Variants in CTNNB1 observed in about 807,000 individuals in gnomAD.
CTNNB1 encodes catenin beta 1, also known as catenin beta-1.
A neutral mutation model predicts 82.5 loss-of-function variants in CTNNB1; 6 were observed. That is an observed-to-expected ratio of 0.07 (90% CI 0.04 to 0.14). The LOEUF (loss-of-function observed/expected upper bound fraction) is 0.14, where lower values mean the gene tolerates loss of function less well. CTNNB1 is among the 10% of genes least tolerant of loss of function. The pLI is 1.00. For missense variants in CTNNB1, 529 were observed against 980.4 expected (o/e 0.54, Z 6.15); for synonymous variants, 312 against 329.7 (o/e 0.95, Z 0.58).
Position 41,239,143 on chromosome 3 carries a change from A to G in CTNNB1, c.2147A>G (p.Tyr716Cys), listed in dbSNP as rs1248210231. 8 of 1,613,800 alleles carry G rather than the reference A, an allele frequency of 5.0e-6. No individual in the cohort carries two copies. Among genetic ancestry groups the G allele is most frequent in the Non-Finnish European group, 6.8e-6 (8 of 1,179,930 alleles). ...PLGYRQDDPS[Y>C]RSFHSGGYGQ... is the part of the protein sequence containing the mutation. ...ACCCTGACTCTTCTAGATCCTAGCT[A>G]TCGTTCTTTTCACTCTGGTGGATAT... is the stretch of plus-strand genomic sequence containing the variant. Residue 716 changes from tyrosine to cysteine, a missense_variant, in exon 15 of 15, where the codon TAT becomes TGT. By Grantham distance (194) the Tyr-to-Cys change is radical. This residue lies in a region of CTNNB1 where 102 missense variants were observed against 130.8 expected (regional missense o/e 0.78). Transcript: ENST00000349496.
rs769825609 is a variant in CTNNB1 at position 41,227,335 on chromosome 3, C to T, written c.1064C>T (p.Pro355Leu). Residue 355 changes from proline to leucine, a missense_variant, in exon 7 of 15, where the codon CCG becomes CTG. Around this residue, in one of 4 missense-constraint regions of CTNNB1, gnomAD observed 411 missense variants for 776.4 expected, o/e 0.53. Coordinates refer to ENST00000349496, the MANE Select transcript of CTNNB1 (RefSeq NM_001904.4). ...CTATCTGTCTGCTCTAGTAATAAGC[C>T]GGCTATTGTAGAAGCTGGTAAGTAT... The part of the protein sequence containing the change: ...KVLSVCSSNK[P>L]AIVEAGGMQA... The T allele has an allele frequency of 4.3e-6, 7 of 1,613,678 alleles. No homozygotes were observed. Among genetic ancestry groups the T allele is most frequent in the Non-Finnish European group, 5.9e-6 (7 of 1,179,848 alleles).
chr3:41,234,352 A>G (rs2078383271), intron 10 of CTNNB1, 55 bp downstream of exon 10: 2 of 1,584,474 alleles, frequency 1.3e-6, no homozygotes, highest in East Asian at 2.2e-5. Flanking sequence ...CATAAATCCA[A>G]AGGATCCTGA....
chr3:41,202,968 T>C (rs2077566228), intron 1 of CTNNB1, among the ~76,000 whole-genome samples: 1 of 151,770 alleles, frequency 6.6e-6, no homozygotes, highest in African/African-American at 2.4e-5. Context: ...GCTTCCTTCC[T>C]AAGGAAAAAT....
At chr3:41,201,325 T>C (rs150573961) in intron 1 of CTNNB1, among the ~76,000 whole-genome samples, 8 of 152,346 alleles carry the variant, frequency 5.3e-5, no homozygotes, top group Admixed American at 2.6e-4. Context: ...TTTACTTTTA[T>C]ATTTAAATCT....
intron 7 of CTNNB1, among the ~76,000 whole-genome samples, chr3:41,228,957 C>T (rs924333169): frequency 2.0e-5 from 3 of 152,132 alleles, no homozygotes; most frequent in African/African-American, 7.2e-5. Flanking sequence ...CCAGTTATCC[C>T]AGCACCATTT....
intron 1 of CTNNB1, among the ~76,000 whole-genome samples, chr3:41,212,002 A>G (rs1158128639): frequency 2.0e-5 from 3 of 152,240 alleles, no homozygotes; most frequent in Admixed American, 2.0e-4. Context: ...GCTCCTGTAT[A>G]GTCAGACCAT....
intron 1 of CTNNB1, among the ~76,000 whole-genome samples, chr3:41,204,630 T>G (rs2077608503): frequency 6.6e-6 from 1 of 152,254 alleles, no homozygotes; most frequent in South Asian, 2.1e-4. Flanking sequence ...TGTTGCCAGA[T>G]CATCTGATTT....
At chr3:41,227,443 C>G (rs2078204818) in intron 7 of CTNNB1, 91 bp downstream of exon 7, 1 of 1,366,762 alleles carries the variant, frequency 7.3e-7, no homozygotes, top group South Asian at 1.2e-5. Context: ...AGAACTTTAA[C>G]TACTGAAAAT....
At position 41,205,428 on chromosome 3, in the gene CTNNB1, C is replaced by T. The variant is rs780323078; in HGVS notation, c.-49+5758C>T. Among the ~76,000 whole-genome samples, 53 of 151,136 alleles carry T rather than the reference C, an allele frequency of 3.5e-4. 1 individual carries two copies. The highest frequency in any genetic ancestry group is 4.4e-5 in the Non-Finnish European group (3 of 67,806). ...TCCAGATTTTGAAAAGTGGGGTGGC[C>T]TGGTGCCTGTAGTACCAGCACTTTG... is the stretch of plus-strand genomic sequence containing the variant. On this transcript the variant is annotated intron_variant, in intron 1 of 14. Transcript: ENST00000349496.
chr3:41,215,467 T>A (rs1247922349), intron 1 of CTNNB1, among the ~76,000 whole-genome samples: 1 of 151,950 alleles, frequency 6.6e-6, no homozygotes, highest in African/African-American at 2.4e-5. Context: ...TTTTGTGTGT[T>A]CTCCTGTTCA....
intron 6 of CTNNB1, 61 bp from the exon 7 acceptor site, chr3:41,227,147 T>C (rs2125627188): frequency 2.2e-6 from 3 of 1,392,490 alleles, no homozygotes; most frequent in Non-Finnish European, 3.0e-6. Flanking sequence ...GTAATATGGC[T>C]CTTCTCAGAC....
At chr3:41,207,633 C>T (rs1010102403) in intron 1 of CTNNB1, among the ~76,000 whole-genome samples, 1 of 152,206 alleles carries the variant, frequency 6.6e-6, no homozygotes, top group Non-Finnish European at 1.5e-5. Flanking sequence ...ACTGGCTCTT[C>T]TGTTTTAACT....
At chr3:41,238,396 A>G in intron 14 of CTNNB1, 1 of 293,140 alleles carries the variant, frequency 3.4e-6, no homozygotes, top group East Asian at 7.0e-5. Context: ...TTTGTCTACA[A>G]GCTACCCAAG....
chr3:41,238,583 T>C (rs2078496134), intron 14 of CTNNB1: 1 of 194,174 alleles, frequency 5.2e-6, no homozygotes, highest in African/African-American at 2.4e-5. Context: ...TGCTTCTACC[T>C]AATTATGAAA....
Position 41,235,474 on chromosome 3 carries a change from C to T in CTNNB1, c.1684-250C>T, listed in dbSNP as rs530494666. On this transcript the variant is annotated intron_variant, in intron 10 of 14. Coordinates refer to ENST00000349496, the MANE Select transcript of CTNNB1 (RefSeq NM_001904.4). ...GGTGCCCTTACTGTAGGAAAGTTGTCTTTGGGATTCAGCGCTGTATGGAAG... is the reference window on the plus strand; with the variant it reads ...GGTGCCCTTACTGTAGGAAAGTTGTTTTTGGGATTCAGCGCTGTATGGAAG... 6 of 541,800 alleles carry T rather than the reference C, an allele frequency of 1.1e-5. No homozygotes were observed. The African/African-American group carries it at 1.1e-4, about 10-fold the overall frequency. The allele number at this position is 541,800 out of a possible 1,614,324, so 33.6% of individuals were successfully genotyped here.
At chr3:41,207,420 C>T (rs1020247775) in intron 1 of CTNNB1, among the ~76,000 whole-genome samples, 2 of 152,182 alleles carry the variant, frequency 1.3e-5, no homozygotes, top group South Asian at 2.1e-4. Flanking sequence ...AGATCTAAGA[C>T]AGAAGGGCTG....
rs1489183773 is a variant in CTNNB1, at chr3:41,224,022, G to T, written c.-47G>T. 1.2e-6 allele frequency: 2 copies of T among 1,602,450 alleles called. No homozygotes were observed. The highest frequency in any genetic ancestry group is 2.2e-5 in the South Asian group (2 of 90,868). On this transcript the variant is annotated splice_region_variant and 5_prime_UTR_variant, in exon 2 of 15. Transcript: ENST00000349496. Reference sequence around the variant, plus strand: ...TGACTTTTGATTAACTTTTTTTAGGGTATTTGAAGTATACCATACAACTGT... The same window carrying T: ...TGACTTTTGATTAACTTTTTTTAGGTTATTTGAAGTATACCATACAACTGT...
At chr3:41,209,742 T>G (rs543322829) in intron 1 of CTNNB1, among the ~76,000 whole-genome samples, 1 of 152,116 alleles carries the variant, frequency 6.6e-6, no homozygotes, top group African/African-American at 2.4e-5. Context: ...TATTGAAACA[T>G]AGAAAAAGTA....
At position 41,239,427 on chromosome 3, in the gene CTNNB1, T is replaced by C; in HGVS notation, c.*85T>C. ...CTACAGAACTTCAGAAAGACTTGGTTGGTAGGGTGGGAGTGGTTTAGGCTA... is the reference window on the plus strand; with the variant it reads ...CTACAGAACTTCAGAAAGACTTGGTCGGTAGGGTGGGAGTGGTTTAGGCTA... On this transcript the variant is annotated 3_prime_UTR_variant, in exon 15 of 15. Transcript: ENST00000349496. 8.0e-7 allele frequency: 1 copy of C among 1,256,938 alleles called. No individual in the cohort carries two copies. The highest frequency in any genetic ancestry group is 1.3e-5 in the South Asian group (1 of 78,298). 77.9% of individuals were successfully genotyped at this position (1,256,938 alleles called of 1,614,324 possible). A position where few individuals can be genotyped will look rare whatever the true frequency, so the allele number is the denominator to read the frequency against.
Sources: allele counts gnomAD v4.1 joint callset (sites outside exome capture counted in the v4.1 genomes callset), GRCh38; gene constraint gnomAD v4.1.1; regional missense constraint gnomAD v4.1.1; transcripts MANE v1.5; gene names NCBI Gene and HGNC (gene_info 2026-07-23, HGNC 2026-07-21).